The following PMM2 variants were observed in gnomAD, a reference collection of about 807,000 sequenced individuals.
PMM2 encodes the protein phosphomannomutase 2, also known as mannose-6-phosphate isomerase.
Under a neutral mutation model 33.2 loss-of-function variants are expected in PMM2, and 35 were observed. The observed-to-expected ratio is 1.06, with a 90% CI of 0.81 to 1.40. The LOEUF is 1.40. PMM2 is among the 40% of genes most tolerant of loss of function. The probability of loss-of-function intolerance (pLI) is 0.00; values close to 1 mark genes in which losing one functional copy is unlikely to be tolerated. For synonymous variants in PMM2, 153 were observed against 114.7 expected (o/e 1.33, Z -2.13); for missense variants, 386 against 306.0 (o/e 1.26, Z -1.95).
rs114754593 is a variant in PMM2 at position 8,832,934 on chromosome 16, C to T, written c.640-14790C>T. On this transcript the variant is annotated intron_variant, in intron 7 of 7. Transcript: ENST00000268261. ...CCTTCCCTCCCTTTGCTCAACAAGG[C>T]GCCCAAGAGCTGTCTGTTGATGACT... is the stretch of plus-strand genomic sequence containing the variant. The T allele has an allele frequency of 1.6e-3, 1,438 of 921,948 alleles. 17 individuals carry two copies. The African/African-American group carries it at 0.025, about 16-fold the overall frequency. The allele number at this position is 921,948 out of a possible 1,614,324, so 57.1% of individuals were successfully genotyped here. A position where few individuals can be genotyped will look rare whatever the true frequency, so the allele number is the denominator to read the frequency against.
intron 7 of PMM2, chr16:8,832,231 A>G (rs1442092330): frequency 1.0e-6 from 1 of 985,288 alleles, no homozygotes; most frequent in Admixed American, 6.1e-5. Context: ...CGGGAGAGAA[A>G]GGAAGGCCTG....
chr16:8,809,873 C>T (rs572517691), intron 4 of PMM2: 2 of 152,098 alleles, frequency 1.3e-5, no homozygotes, highest in South Asian at 2.1e-4. Context: ...TGCAGTGGTA[C>T]GATCTTGGTT....
chr16:8,810,896 C>T (rs910121720), intron 4 of PMM2, 183 bp from the exon 5 acceptor site: 6 of 622,092 alleles, frequency 9.6e-6, no homozygotes, highest in Non-Finnish European at 1.7e-5. Context: ...TCATATTAGC[C>T]ACATTTCAAG....
At chr16:8,828,952 T>C (rs7196465) in intron 7 of PMM2, among the ~76,000 whole-genome samples, 128,035 of 152,200 alleles carry the variant, frequency 0.84, 54,207 homozygotes, top group East Asian at 0.97. Flanking sequence ...CTGAGGCATG[T>C]GAGAGCTGGT....
At chr16:8,821,171 G>C (rs568018736) in intron 7 of PMM2, among the ~76,000 whole-genome samples, 5 of 152,268 alleles carry the variant, frequency 3.3e-5, no homozygotes, top group African/African-American at 1.2e-4. Flanking sequence ...TTCTTAACAT[G>C]TGAGTCCCTC....
chr16:8,841,251 G>A lies in PMM2; in HGVS notation c.640-6473G>A, dbSNP rs377574128. The stretch of plus-strand genomic sequence containing the variant: ...TGGGTGATTTGACTAGTAAAGGCTG[G>A]TCCGTTATCAGACTGTATAGAGGTG... On this transcript the variant is annotated intron_variant, in intron 7 of 7. Transcript: ENST00000268261. 6.0e-5 allele frequency among the ~76,000 whole-genome samples: 9 copies of A among 151,186 alleles called. No homozygotes were observed. In the East Asian group the frequency reaches 1.8e-3, roughly 30 times the overall value.
intron 2 of PMM2, 88 bp downstream of exon 2, chr16:8,801,998 C>G (rs1165622152): frequency 2.1e-6 from 2 of 935,602 alleles, no homozygotes; most frequent in Non-Finnish European, 1.7e-6. Context: ...GCCCTAAAAC[C>G]TTGTCCCCAT....
intron 2 of PMM2, 122 bp from the exon 3 acceptor site, chr16:8,804,645 G>C: frequency 1.4e-6 from 1 of 730,300 alleles, no homozygotes; most frequent in Non-Finnish European, 2.5e-6. Flanking sequence ...TGTAAGATGA[G>C]ATAGTCTTTC....
chr16:8,804,367 T>G (rs896668007), intron 2 of PMM2, among the ~76,000 whole-genome samples: 2 of 152,066 alleles, frequency 1.3e-5, no homozygotes, highest in African/African-American at 2.4e-5. Flanking sequence ...TAAAAATATA[T>G]TTAGCCTGTC....
intron 6 of PMM2, 69 bp from the exon 7 acceptor site, chr16:8,812,922 T>C: frequency 2.2e-6 from 2 of 906,356 alleles, no homozygotes; most frequent in Non-Finnish European, 3.7e-6. Context: ...GTAAATTGTT[T>C]TTTTCAGTGA....
chr16:8,832,612 T>C (rs1430889911), intron 7 of PMM2: 1 of 985,286 alleles, frequency 1.0e-6, no homozygotes, highest in Non-Finnish European at 1.2e-6. Context: ...CTCTGTCCTC[T>C]TTGCACCCTG....
intron 1 of PMM2, among the ~76,000 whole-genome samples, chr16:8,798,420 C>T (rs1231474194): frequency 1.3e-5 from 2 of 152,192 alleles, no homozygotes; most frequent in Non-Finnish European, 2.9e-5. Context: ...GAGTCATTAA[C>T]CTCTCTGAGC....
At position 8,818,548 on chromosome 16, in the gene PMM2, G is replaced by A. The variant is rs78634362; in HGVS notation, c.639+5442G>A. Among the ~76,000 whole-genome samples the A allele has an allele frequency of 1.5e-3, 231 of 152,214 alleles. 2 individuals carry two copies. In the East Asian group the frequency reaches 0.022, roughly 15 times the overall value. The stretch of plus-strand genomic sequence containing the variant: ...CCTAATGAAGTTTGATGTTTTTGCC[G>A]GCGTCCAGGGAAGTGATCCTGAGCT... On this transcript the variant is annotated intron_variant, in intron 7 of 7. Coordinates refer to ENST00000268261, the MANE Select transcript of PMM2 (RefSeq NM_000303.3).
intron 2 of PMM2, chr16:8,802,261 C>A (rs916021971): frequency 2.2e-6 from 1 of 451,348 alleles, no homozygotes; most frequent in Non-Finnish European, 4.4e-6. Context: ...CCTCTGACAG[C>A]CCCCCTCACC....
chr16:8,820,697 C>CA (rs138186458), intron 7 of PMM2, among the ~76,000 whole-genome samples: 1,812 of 152,304 alleles, frequency 0.012, 38 homozygotes, highest in African/African-American at 0.039. Flanking sequence ...GAAGTGAAGG[C>CA]ATCTGAGGAA....
At chr16:8,817,972 C>T (rs1227465689) in intron 7 of PMM2, among the ~76,000 whole-genome samples, 1 of 148,598 alleles carries the variant, frequency 6.7e-6, no homozygotes, top group African/African-American at 2.5e-5. Flanking sequence ...GGCGTGATCT[C>T]GGCTCACTGT....
chr16:8,833,540 G>A (rs903574205), intron 7 of PMM2, among the ~76,000 whole-genome samples: 2 of 151,686 alleles, frequency 1.3e-5, no homozygotes, highest in Non-Finnish European at 2.9e-5. Context: ...ATTTTTAGGG[G>A]GTGGTATGGA....
At chr16:8,817,102 A>T (rs560923238) in intron 7 of PMM2, among the ~76,000 whole-genome samples, 5 of 152,252 alleles carry the variant, frequency 3.3e-5, no homozygotes, top group African/African-American at 1.2e-4. Context: ...TGTTTAAATG[A>T]GTGTGCTTTC....
chr16:8,799,699 C>T (rs1362598943), intron 1 of PMM2, among the ~76,000 whole-genome samples: 2 of 152,188 alleles, frequency 1.3e-5, no homozygotes, highest in East Asian at 3.9e-4. Context: ...AGGCAGGCAC[C>T]ACCACGCCTG....
Sources: allele counts gnomAD v4.1 joint callset (sites outside exome capture counted in the v4.1 genomes callset), GRCh38; gene constraint gnomAD v4.1.1; transcripts MANE v1.5; gene names NCBI Gene and HGNC (gene_info 2026-07-23, HGNC 2026-07-21).